The following DOCK4 variants were observed in gnomAD, a reference collection of about 807,000 sequenced individuals.
DOCK4 encodes dedicator of cytokinesis protein 4.
A neutral mutation model predicts 268.1 loss-of-function variants in DOCK4; 97 were observed. That is an observed-to-expected ratio of 0.36 (90% CI 0.31 to 0.43). The LOEUF (loss-of-function observed/expected upper bound fraction) is 0.43. Among genes scored for constraint, DOCK4 ranks in the 20% least tolerant of loss-of-function variants. The pLI is 1.00. For missense variants in DOCK4, 2,145 were observed against 2,455.7 expected, an observed-to-expected ratio of 0.87 and a Z score of 2.67; for synonymous variants, 954 against 887.2, an observed-to-expected ratio of 1.08 and a Z score of -1.34.
At chr7:112,094,626 CT>C (rs950352939) in intron 1 of DOCK4, among the ~76,000 whole-genome samples, 9 of 152,088 alleles carry the variant, frequency 5.9e-5, no homozygotes, top group African/African-American at 2.2e-4. Context: ...AGTTTTGAAA[CT>C]GAAAATTGAC....
intron 26 of DOCK4, among the ~76,000 whole-genome samples, chr7:111,828,886 G>GTA (rs1802596469): frequency 7.8e-6 from 1 of 128,424 alleles, no homozygotes; most frequent in African/African-American, 3.9e-5. Flanking sequence ...GTGTGTGTGT[G>GTA]TGTATATATA....
intron 1 of DOCK4, among the ~76,000 whole-genome samples, chr7:112,020,091 T>C (rs1802184828): frequency 1.3e-5 from 2 of 152,218 alleles, no homozygotes; most frequent in African/African-American, 4.8e-5. Flanking sequence ...TGAGTGTTTC[T>C]CAATCACCAC....
chr7:111,743,728 G>A (rs571421282), intron 44 of DOCK4, among the ~76,000 whole-genome samples: 36 of 152,238 alleles, frequency 2.4e-4, no homozygotes, highest in Admixed American at 5.2e-4. Context: ...GACAGAAGCC[G>A]GACTTGACAA....
intron 1 of DOCK4, among the ~76,000 whole-genome samples, chr7:112,017,756 C>A (rs59049326): frequency 0.015 from 2,350 of 152,164 alleles, 58 homozygotes; most frequent in African/African-American, 0.054. Context: ...TATCCCAACC[C>A]CTGTGGAAAA....
intron 27 of DOCK4, among the ~76,000 whole-genome samples, chr7:111,813,431 G>A (rs1286902075): frequency 1.3e-5 from 2 of 152,076 alleles, no homozygotes; most frequent in East Asian, 1.9e-4. Flanking sequence ...TGTGGGGTAG[G>A]GAAATATTAA....
chr7:111,791,815 C>T (rs1455500853), intron 30 of DOCK4, among the ~76,000 whole-genome samples: 2 of 152,206 alleles, frequency 1.3e-5, no homozygotes, highest in Admixed American at 1.3e-4. Context: ...AGCCATCCAC[C>T]CGCCTCGGCC....
chr7:111,888,614 G>A (rs1030041132), intron 16 of DOCK4, among the ~76,000 whole-genome samples: 3 of 151,926 alleles, frequency 2.0e-5, no homozygotes, highest in Non-Finnish European at 2.9e-5. Context: ...AGTTGAAGTG[G>A]CCAAGAAAAC....
In DOCK4 at chr7:112,018,019, T is replaced by G. The variant is rs367647657; in HGVS notation, c.38-13888A>C. ...GGCTAACACGGTGAAACCCCGTCTC[T>G]ACTAAAAAAAATACAAAAAATTAGC... On this transcript the variant is annotated intron_variant, in intron 1 of 52. Coordinates refer to ENST00000428084, the MANE Select transcript of DOCK4 (RefSeq NM_001363540.2). Among the ~76,000 whole-genome samples, 419 of 151,278 alleles carry G rather than the reference T, an allele frequency of 2.8e-3. 3 individuals are homozygous for G. The highest frequency in any genetic ancestry group is 9.8e-3 in the African/African-American group (403 of 41,288).
At chr7:112,017,060 T>C (rs1270437810) in intron 1 of DOCK4, among the ~76,000 whole-genome samples, 1 of 152,206 alleles carries the variant, frequency 6.6e-6, no homozygotes, top group African/African-American at 2.4e-5. Context: ...CACTGACTTA[T>C]AAAGGAATCT....
intron 25 of DOCK4, among the ~76,000 whole-genome samples, chr7:111,834,992 A>C (rs922835250): frequency 6.6e-5 from 10 of 152,130 alleles, no homozygotes; most frequent in Non-Finnish European, 1.5e-4. Flanking sequence ...AAGGTAAGGC[A>C]CCGAGGGTTT....
intron 51 of DOCK4, 102 bp from the exon 52 acceptor site, chr7:111,732,389 C>A: frequency 8.3e-7 from 1 of 1,200,480 alleles, no homozygotes; most frequent in Non-Finnish European, 1.2e-6. Context: ...TGATCCAGTG[C>A]ATAAGGACCT....
chr7:111,938,942 C>T (rs1438141519), intron 11 of DOCK4, among the ~76,000 whole-genome samples: 1 of 148,124 alleles, frequency 6.8e-6, no homozygotes, highest in Non-Finnish European at 1.5e-5. Flanking sequence ...CCACTACACT[C>T]CAGCCTGGGT....
chr7:112,156,069 G>GTAACA (rs1816587788), intron 1 of DOCK4, among the ~76,000 whole-genome samples: 2 of 152,152 alleles, frequency 1.3e-5, no homozygotes, highest in Non-Finnish European at 2.9e-5. Context: ...ACCCCTAGAT[G>GTAACA]TAACAGAGCA....
intron 51 of DOCK4, among the ~76,000 whole-genome samples, chr7:111,734,704 T>C (rs531374941): frequency 6.6e-6 from 1 of 152,302 alleles, no homozygotes; most frequent in East Asian, 1.9e-4. Flanking sequence ...CTGAAGAAAG[T>C]AGCTGAGTTA....
At chr7:111,922,017 G>C (rs1054339764) in intron 12 of DOCK4, among the ~76,000 whole-genome samples, 1 of 152,186 alleles carries the variant, frequency 6.6e-6, no homozygotes, top group Non-Finnish European at 1.5e-5. Context: ...TAGGAGACTT[G>C]ACAAAGACAT....
At chr7:111,894,820 G>T (rs1808602570) in intron 16 of DOCK4, among the ~76,000 whole-genome samples, 1 of 152,138 alleles carries the variant, frequency 6.6e-6, no homozygotes, top group South Asian at 2.1e-4. Context: ...CTTTTGAATG[G>T]GTCTTAAGCT....
intron 8 of DOCK4, among the ~76,000 whole-genome samples, chr7:111,962,740 C>A (rs1340361865): frequency 6.6e-6 from 1 of 151,954 alleles, no homozygotes; most frequent in Non-Finnish European, 1.5e-5. Context: ...GTAGGCAATA[C>A]AAAATTTATA....
rs558114334 is a variant in DOCK4 at position 111,828,680 on chromosome 7, G to A, written c.2835+5908C>T. Among the ~76,000 whole-genome samples, 3 of 152,062 alleles carry A rather than the reference G, an allele frequency of 2.0e-5. No individual in the cohort carries two copies. The East Asian group carries it at 5.8e-4, about 29-fold the overall frequency. ...TTATTCTACAGCAATATGGGTACAA[G>A]TCCACAGAAAGAGGTGTATCAAGAT... is the stretch of plus-strand genomic sequence containing the variant. On this transcript the variant is annotated intron_variant, in intron 26 of 52. Coordinates refer to ENST00000428084, the MANE Select transcript of DOCK4 (RefSeq NM_001363540.2).
intron 8 of DOCK4, among the ~76,000 whole-genome samples, chr7:111,972,612 T>C (rs1351929111): frequency 1.3e-5 from 2 of 152,130 alleles, no homozygotes; most frequent in Admixed American, 6.6e-5. Context: ...CTGGACAAGG[T>C]AACGTTCTGT....
Sources: gnomAD v4.1 joint callset for allele counts (sites outside exome capture counted in the v4.1 genomes callset) on GRCh38, gnomAD v4.1.1 for gene constraint, MANE v1.5 for transcripts, NCBI Gene and HGNC (gene_info 2026-07-23, HGNC 2026-07-21) for gene names.